PICALM: variants seen among roughly 807,000 people sequenced by gnomAD.
PICALM encodes phosphatidylinositol-binding clathrin assembly protein.
PICALM carries 40 observed loss-of-function variants against 80.5 expected under a neutral mutation model. The observed-to-expected ratio is 0.50, with a 90% CI of 0.39 to 0.65. The LOEUF (loss-of-function observed/expected upper bound fraction) is 0.65. Ranked by LOEUF, PICALM falls within the 30% of genes least tolerant of loss-of-function variation. The pLI, the probability that PICALM is intolerant of heterozygous loss-of-function variation, is 0.00. For missense variants in PICALM, 676 were observed against 778.9 expected, an observed-to-expected ratio of 0.87 and a Z score of 1.57; for synonymous variants, 288 against 260.3, an observed-to-expected ratio of 1.11 and a Z score of -1.02.
intron 6 of PICALM, 105 bp downstream of exon 6, chr11:86,012,176 T>C (rs2095409806): frequency 1.9e-6 from 1 of 526,506 alleles, no homozygotes; most frequent in Non-Finnish European, 3.4e-6. Flanking sequence ...AATGAATGAA[T>C]ATATCATAAT....
At chr11:85,983,290 A>C (rs534011114) in intron 14 of PICALM, among the ~76,000 whole-genome samples, 1 of 152,342 alleles carries the variant, frequency 6.6e-6, no homozygotes, top group East Asian at 1.9e-4. Flanking sequence ...ACAAGGTATT[A>C]ATGAAAACAC....
At chr11:86,018,197 C>T (rs1446487400) in intron 4 of PICALM, among the ~76,000 whole-genome samples, 2 of 151,900 alleles carry the variant, frequency 1.3e-5, no homozygotes. Context: ...AGTGAAAAAC[C>T]CAATAGAGAA....
intron 2 of PICALM, among the ~76,000 whole-genome samples, chr11:86,030,108 A>G (rs1380133844): frequency 1.3e-5 from 2 of 152,356 alleles, no homozygotes; most frequent in Admixed American, 1.3e-4. Flanking sequence ...CATAGTTACT[A>G]AAGATGATAA....
chr11:85,994,846 G>A (rs1434643621), intron 12 of PICALM, among the ~76,000 whole-genome samples: 1 of 152,210 alleles, frequency 6.6e-6, no homozygotes, highest in East Asian at 1.9e-4. Flanking sequence ...TGAGATGACA[G>A]ATGTGTACCA....
At chr11:85,962,080 C>T (rs1167698519) in intron 19 of PICALM, among the ~76,000 whole-genome samples, 3 of 152,056 alleles carry the variant, frequency 2.0e-5, no homozygotes, top group African/African-American at 7.2e-5. Context: ...ACAAATGGAA[C>T]AATGATGGAA....
At chr11:86,006,058 T>A (rs1332657842) in intron 8 of PICALM, among the ~76,000 whole-genome samples, 4 of 152,194 alleles carry the variant, frequency 2.6e-5, no homozygotes, top group Non-Finnish European at 5.9e-5. Flanking sequence ...CAATGATTTT[T>A]AAATAAAACA....
intron 1 of PICALM, among the ~76,000 whole-genome samples, chr11:86,045,435 G>A (rs2096055240): frequency 1.4e-5 from 2 of 144,868 alleles, no homozygotes; most frequent in Non-Finnish European, 3.0e-5. Context: ...CCAAGAGTTT[G>A]AGGCTGTAGT....
At chr11:85,966,407 G>A (rs2093899430) in intron 19 of PICALM, among the ~76,000 whole-genome samples, 1 of 152,150 alleles carries the variant, frequency 6.6e-6, no homozygotes. Flanking sequence ...ACAATTCAGG[G>A]AATAGGAACA....
chr11:86,012,005 A>G (rs911781948), intron 6 of PICALM, among the ~76,000 whole-genome samples: 1 of 152,044 alleles, frequency 6.6e-6, no homozygotes, highest in Non-Finnish European at 1.5e-5. Flanking sequence ...CTAAATTTTA[A>G]AGGCACTTTT....
chr11:86,041,452 T>C (rs991607024), intron 1 of PICALM, among the ~76,000 whole-genome samples: 1 of 152,176 alleles, frequency 6.6e-6, no homozygotes, highest in African/African-American at 2.4e-5. Flanking sequence ...GAAGAGATTT[T>C]TTAAAAGGCA....
intron 1 of PICALM, among the ~76,000 whole-genome samples, chr11:86,060,042 C>T (rs1267576212): frequency 6.6e-6 from 1 of 152,134 alleles, no homozygotes; most frequent in Non-Finnish European, 1.5e-5. Flanking sequence ...ATAAAGTGGA[C>T]ATAGGGATTA....
At chr11:85,978,257 A>G in intron 17 of PICALM, 1 of 595,464 alleles carries the variant, frequency 1.7e-6, no homozygotes, top group Non-Finnish European at 3.1e-6. Flanking sequence ...CATCTATACT[A>G]AAACACTATC....
At position 86,012,300 on chromosome 11, in the gene PICALM, T is replaced by C. The variant is rs375495535; in HGVS notation, c.639A>G (p.Glu213=). 1.9e-6 allele frequency: 3 copies of C among 1,594,052 alleles called. No individual in the cohort carries two copies. The highest frequency in any genetic ancestry group is 2.6e-6 in the Non-Finnish European group (3 of 1,163,356). The change falls in exon 6 of 20, where the codon GAA becomes GAG. Residue 213 remains glutamate, a synonymous_variant. Coordinates refer to ENST00000393346, the MANE Select transcript of PICALM (RefSeq NM_007166.4). ...ATTTACCCAACAAATTAATAATTCC[T>C]TCATTGTATGCTGCAAACAGTCTAA... The part of the protein sequence containing the change: ...DAIRLFAAYN[E]GIINLLEKYF...
At chr11:85,965,523 T>G (rs17744938) in intron 19 of PICALM, among the ~76,000 whole-genome samples, 24,338 of 152,150 alleles carry the variant, frequency 0.16, 2,536 homozygotes, top group Middle Eastern at 0.24. Flanking sequence ...TAGTGGTACG[T>G]TGAATCCAGT....
At chr11:86,056,848 A>G (rs1565584046) in intron 1 of PICALM, among the ~76,000 whole-genome samples, 1 of 152,236 alleles carries the variant, frequency 6.6e-6, no homozygotes, top group Non-Finnish European at 1.5e-5. Flanking sequence ...ATAAAAATGA[A>G]TAAAGTACTG....
intron 1 of PICALM, among the ~76,000 whole-genome samples, chr11:86,034,312 C>T (rs959311442): frequency 1.3e-5 from 2 of 152,124 alleles, no homozygotes; most frequent in African/African-American, 4.8e-5. Flanking sequence ...AATTTTTTAT[C>T]TGTACAATGT....
intron 1 of PICALM, among the ~76,000 whole-genome samples, chr11:86,054,324 C>A (rs2096237879): frequency 6.6e-6 from 1 of 152,192 alleles, no homozygotes; most frequent in Admixed American, 6.5e-5. Context: ...TTTCACAGCA[C>A]TGGTATCTAA....
intron 19 of PICALM, among the ~76,000 whole-genome samples, chr11:85,961,762 T>G (rs764034121): frequency 1.3e-5 from 2 of 152,224 alleles, no homozygotes; most frequent in Non-Finnish European, 2.9e-5. Context: ...TAATAAAAGT[T>G]GACTAACTGG....
chr11:86,002,296 T>C (rs971867631), intron 9 of PICALM, among the ~76,000 whole-genome samples: 29 of 152,316 alleles, frequency 1.9e-4, no homozygotes, highest in Admixed American at 1.6e-3. Flanking sequence ...TGGAAATTAT[T>C]TAAATTTTAT....
Sources: gnomAD v4.1 joint callset for allele counts (sites outside exome capture counted in the v4.1 genomes callset) on GRCh38, gnomAD v4.1.1 for gene constraint, MANE v1.5 for transcripts, NCBI Gene and HGNC (gene_info 2026-07-23, HGNC 2026-07-21) for gene names.